TPRG1: variants seen among roughly 807,000 people sequenced by gnomAD.
TPRG1 encodes the protein tumor protein p63 regulated 1.
A neutral mutation model predicts 29.3 loss-of-function variants in TPRG1; 29 were observed. The observed-to-expected ratio is 0.99, with a 90% CI of 0.74 to 1.35. The LOEUF is 1.35. TPRG1 is among the 40% of genes most tolerant of loss of function. The pLI, the probability that TPRG1 is intolerant of heterozygous loss-of-function variation, is 0.00. For synonymous variants in TPRG1, 130 were observed against 116.8 expected, an observed-to-expected ratio of 1.11 and a Z score of -0.73; for missense variants, 327 against 335.0, an observed-to-expected ratio of 0.98 and a Z score of 0.19.
intron 1 of TPRG1, among the ~76,000 whole-genome samples, chr3:189,203,550 C>T (rs1349702784): frequency 6.6e-6 from 1 of 152,200 alleles, no homozygotes; most frequent in African/African-American, 2.4e-5. Flanking sequence ...TCTCGTGCTA[C>T]TGCAATGTTT....
intron 5 of TPRG1, among the ~76,000 whole-genome samples, chr3:189,163,693 G>A (rs9290889): frequency 0.24 from 37,015 of 151,994 alleles, 4,718 homozygotes; most frequent in South Asian, 0.4. Flanking sequence ...TTAGTTTCCC[G>A]GAATGTAAAA....
At chr3:189,232,472 G>T (rs989679220) in intron 3 of TPRG1, among the ~76,000 whole-genome samples, 2 of 152,226 alleles carry the variant, frequency 1.3e-5, no homozygotes, top group East Asian at 3.8e-4. Flanking sequence ...GGAATCTGGG[G>T]ACCTGAGTTC....
At chr3:189,289,190 C>T (rs1718578404) in intron 4 of TPRG1, among the ~76,000 whole-genome samples, 1 of 152,174 alleles carries the variant, frequency 6.6e-6, no homozygotes, top group Admixed American at 6.5e-5. Context: ...TATCTTGCTT[C>T]CTTAAAAACC....
At chr3:189,114,246 T>C (rs947874826) in intron 1 of TPRG1, among the ~76,000 whole-genome samples, 3 of 150,946 alleles carry the variant, frequency 2.0e-5, no homozygotes, top group Admixed American at 2.0e-4. Flanking sequence ...ACACAGATGT[T>C]GTACCAGGCA....
chr3:189,286,722 G>C (rs1483641502), intron 4 of TPRG1, among the ~76,000 whole-genome samples: 1 of 152,116 alleles, frequency 6.6e-6, no homozygotes, highest in Admixed American at 6.6e-5. Context: ...TTGTCAAAGA[G>C]AGAATAAGGT....
chr3:189,261,075 C>G (rs1341192516), intron 4 of TPRG1, among the ~76,000 whole-genome samples: 1 of 152,088 alleles, frequency 6.6e-6, no homozygotes, highest in African/African-American at 2.4e-5. Flanking sequence ...AAAATATTTT[C>G]CTATTGCTCC....
In TPRG1 at chr3:189,206,054, T is replaced by C. The variant is rs1213882918; in HGVS notation, c.-9-1322T>C. 7.2e-3 allele frequency among the ~76,000 whole-genome samples: 850 copies of C among 118,686 alleles called. 3 individuals are homozygous for C. Among genetic ancestry groups the C allele is most frequent in the Non-Finnish European group, 0.012 (630 of 52,766 alleles). 77.9% of individuals were successfully genotyped at this position (118,686 alleles called of 152,430 possible). A position where few individuals can be genotyped will look rare whatever the true frequency, so the allele number is the denominator to read the frequency against. ...TTCCTTCCTTCCTTCCTTTCTTCTG[T>C]CTTTCTTTCTTTTTTCTTTCTTTCT... is the stretch of plus-strand genomic sequence containing the variant. On this transcript the variant is annotated intron_variant, in intron 1 of 5. Coordinates refer to ENST00000345063, the MANE Select transcript of TPRG1 (RefSeq NM_198485.4).
At chr3:189,186,238 A>G (rs1010990916) in intron 1 of TPRG1, among the ~76,000 whole-genome samples, 3 of 152,240 alleles carry the variant, frequency 2.0e-5, no homozygotes, top group Admixed American at 6.5e-5. Context: ...AAAGTCAATG[A>G]TGACCCGAAA....
intron 4 of TPRG1, among the ~76,000 whole-genome samples, chr3:189,266,913 A>G (rs1714202117): frequency 6.6e-6 from 1 of 151,536 alleles, no homozygotes; most frequent in Admixed American, 6.6e-5. Context: ...GCTAACTTGG[A>G]TATTGCTGCA....
At chr3:189,225,663 A>G (rs1377220624) in intron 3 of TPRG1, among the ~76,000 whole-genome samples, 1 of 152,102 alleles carries the variant, frequency 6.6e-6, no homozygotes, top group Non-Finnish European at 1.5e-5. Context: ...ATTTACAAAC[A>G]ATGCATTGTC....
intron 4 of TPRG1, among the ~76,000 whole-genome samples, chr3:189,251,080 T>A (rs1461819739): frequency 6.6e-6 from 1 of 152,050 alleles, no homozygotes; most frequent in Non-Finnish European, 1.5e-5. Context: ...TCCCTCCCTC[T>A]TTCTCTCTCT....
chr3:189,310,652 A>C (rs1156497694), intron 5 of TPRG1, 113 bp downstream of exon 5: 5 of 503,814 alleles, frequency 9.9e-6, no homozygotes. Context: ...AATAAAATAA[A>C]ATAAAATAAA....
chr3:189,218,416 G>A lies in TPRG1; in HGVS notation c.302+3033G>A, dbSNP rs578174274. ...CAGGCGTGAGCCATCGCGCCCGGCC[G>A]AGATTCTCTTTTATGTATAACAAAA... On this transcript the variant is annotated intron_variant, in intron 3 of 5. Transcript: ENST00000345063. Among the ~76,000 whole-genome samples the A allele has an allele frequency of 1.1e-4, 17 of 152,144 alleles. No homozygotes were observed. The East Asian group carries it at 2.9e-3, about 26-fold the overall frequency.
intron 1 of TPRG1, among the ~76,000 whole-genome samples, chr3:189,107,406 G>A (rs1261546727): frequency 6.6e-6 from 1 of 152,106 alleles, no homozygotes; most frequent in African/African-American, 2.4e-5. Flanking sequence ...GCTTAAAAAA[G>A]TAAAAATTCT....
intron 4 of TPRG1, among the ~76,000 whole-genome samples, chr3:189,149,086 A>G (rs1265246179): frequency 6.6e-6 from 1 of 152,122 alleles, no homozygotes; most frequent in East Asian, 1.9e-4. Flanking sequence ...ATCTTTTTCT[A>G]TCTCAGCGCT....
intron 3 of TPRG1, among the ~76,000 whole-genome samples, chr3:189,222,007 C>A (rs984074934): frequency 3.3e-5 from 5 of 151,942 alleles, no homozygotes; most frequent in East Asian, 1.9e-4. Flanking sequence ...GTGATCACTG[C>A]AGTTCAAATT....
intron 3 of TPRG1, among the ~76,000 whole-genome samples, chr3:189,018,088 T>G (rs1466602900): frequency 4.6e-5 from 7 of 152,238 alleles, no homozygotes; most frequent in Non-Finnish European, 1.0e-4. Flanking sequence ...TTTGTTTTTT[T>G]CTCGTAAATT....
At chr3:189,217,932 T>C in intron 3 of TPRG1, 1 of 984,978 alleles carries the variant, frequency 1.0e-6, no homozygotes, top group Non-Finnish European at 1.2e-6. Context: ...AAAACAAAAA[T>C]CCCAACTCCC....
intron 4 of TPRG1, among the ~76,000 whole-genome samples, chr3:189,260,582 A>G (rs1235090107): frequency 6.6e-6 from 1 of 152,242 alleles, no homozygotes; most frequent in Non-Finnish European, 1.5e-5. Flanking sequence ...TGATATGCCA[A>G]CAAAAGCTAA....
Sources: gnomAD v4.1 joint callset for allele counts (sites outside exome capture counted in the v4.1 genomes callset) on GRCh38, gnomAD v4.1.1 for gene constraint, MANE v1.5 for transcripts, NCBI Gene and HGNC (gene_info 2026-07-23, HGNC 2026-07-21) for gene names.